TMLHE: variants seen among roughly 807,000 people sequenced by gnomAD.
The protein encoded by TMLHE is trimethyllysine hydroxylase, epsilon.
TMLHE carries 18 observed loss-of-function variants against 25.7 expected under a neutral mutation model. The ratio of observed to expected loss-of-function variants is 0.70; its 90% CI spans 0.48 to 1.04. The LOEUF (loss-of-function observed/expected upper bound fraction) is 1.04, where lower values mean the gene tolerates loss of function less well. TMLHE is among the 50% of genes least tolerant of loss of function. The pLI is 0.00. For synonymous variants in TMLHE, 105 were observed against 97.0 expected (o/e 1.08, Z -0.49); for missense variants, 236 against 259.0 (o/e 0.91, Z 0.61).
chrX:155,510,684 A>G (rs1396072453), intron 5 of TMLHE, among the ~76,000 whole-genome samples: 19 of 109,111 alleles, frequency 1.7e-4, no homozygotes, highest in African/African-American at 6.3e-4. Flanking sequence ...AGTCTTTGCT[A>G]TTGTGAATAG....
rs782266204 is a variant in TMLHE, at chrX:155,549,759, G to A, written c.-1-4482C>T. On this transcript the variant is annotated intron_variant, in intron 1 of 7. Transcript: ENST00000334398. ...TTTTAAAATTGTACTTTAAGTTCTGGGATACATGTGCAGAACGTGCAGGTT... is the reference window on the plus strand; with the variant it reads ...TTTTAAAATTGTACTTTAAGTTCTGAGATACATGTGCAGAACGTGCAGGTT... 1.0e-3 allele frequency among the ~76,000 whole-genome samples: 111 copies of A among 109,335 alleles called. 1 individual carries two copies. Among genetic ancestry groups the A allele is most frequent in the Non-Finnish European group, 9.5e-4 (50 of 52,681 alleles). 94.9% of individuals were successfully genotyped at this position (109,335 alleles called of 115,157 possible). A position where few individuals can be genotyped will look rare whatever the true frequency, so the allele number is the denominator to read the frequency against.
intron 5 of TMLHE, 77 bp downstream of exon 5, chrX:155,511,596 G>C: frequency 4.8e-6 from 5 of 1,035,871 alleles, no homozygotes; most frequent in Non-Finnish European, 3.9e-6. Flanking sequence ...GGTTCGAACA[G>C]AATGGAAAAT....
chrX:155,525,400 C>G (rs1342448396), intron 2 of TMLHE, among the ~76,000 whole-genome samples: 9 of 112,317 alleles, frequency 8.0e-5, no homozygotes, highest in Non-Finnish European at 1.5e-4. Context: ...GCTTACTGTA[C>G]AGCCTGCAGA....
chrX:155,567,400 T>C (rs2067514637), intron 1 of TMLHE, among the ~76,000 whole-genome samples: 1 of 61,827 alleles, frequency 1.6e-5, no homozygotes, highest in Admixed American at 1.9e-4. Flanking sequence ...ATCTAAGAAC[T>C]TGAAATCCCA....
chrX:155,507,011 T>C lies in TMLHE; in HGVS notation c.882A>G (p.Lys294=), dbSNP rs782279353. ...KAPEEFELLS[K]VPLKHEYIED... Reference sequence around the variant, plus strand: ...CAATATATTCATGCTTCAATGGCACTTTACTGAGGAGTTCAAATTCCTCAG... The same window carrying C: ...CAATATATTCATGCTTCAATGGCACCTTACTGAGGAGTTCAAATTCCTCAG... Residue 294 remains lysine, a synonymous_variant, in exon 6 of 8, where the codon AAA becomes AAG. Coordinates refer to ENST00000334398, the MANE Select transcript of TMLHE (RefSeq NM_018196.4). 2 of 1,207,781 alleles carry C rather than the reference T, an allele frequency of 1.7e-6. No homozygotes were observed. Among genetic ancestry groups the C allele is most frequent in the Non-Finnish European group, 2.2e-6 (2 of 893,810 alleles).
chrX:155,569,078 A>C (rs2067530149), intron 1 of TMLHE, among the ~76,000 whole-genome samples: 1 of 58,088 alleles, frequency 1.7e-5, no homozygotes, highest in Admixed American at 2.0e-4. Context: ...AAGAAGTTAA[A>C]AACTTTGAAA....
At chrX:155,512,777 G>T in intron 4 of TMLHE, among the ~76,000 whole-genome samples, 1 of 111,594 alleles carries the variant, frequency 9.0e-6, no homozygotes, top group Non-Finnish European at 1.9e-5. Flanking sequence ...GGACATGGAG[G>T]AATAAAGAAA....
intron 1 of TMLHE, among the ~76,000 whole-genome samples, chrX:155,605,530 T>A (rs1398434202): frequency 2.7e-5 from 3 of 111,933 alleles, no homozygotes; most frequent in African/African-American, 9.7e-5. Flanking sequence ...ATCTTTTTTT[T>A]AGACAAGCAA....
In TMLHE at chrX:155,610,751, T is replaced by G. The variant is rs143715776; in HGVS notation, c.-2+2041A>C. ...GGACAAAGAGAAGTGGATGGATTTT[T>G]TAAAATATTCAGGATGTAGAAGTGA... On this transcript the variant is annotated intron_variant, in intron 1 of 7. Coordinates refer to ENST00000334398, the MANE Select transcript of TMLHE (RefSeq NM_018196.4). Among the ~76,000 whole-genome samples, 764 of 111,544 alleles carry G rather than the reference T, an allele frequency of 6.8e-3. 6 individuals are homozygous for G. Among genetic ancestry groups the G allele is most frequent in the African/African-American group, 0.024 (726 of 30,637 alleles).
At chrX:155,506,483 G>A (rs1398920524) in intron 6 of TMLHE, among the ~76,000 whole-genome samples, 2 of 111,296 alleles carry the variant, frequency 1.8e-5, no homozygotes, top group African/African-American at 6.5e-5. Flanking sequence ...GTTTGAATAT[G>A]ATATGTTTTA....
At chrX:155,550,205 G>A (rs782760160) in intron 1 of TMLHE, among the ~76,000 whole-genome samples, 25 of 110,539 alleles carry the variant, frequency 2.3e-4, no homozygotes, top group Middle Eastern at 4.6e-3. Flanking sequence ...TGTCTTTATC[G>A]TAGAATGATT....
At chrX:155,539,510 G>A (rs1324737326) in intron 2 of TMLHE, among the ~76,000 whole-genome samples, 3 of 111,553 alleles carry the variant, frequency 2.7e-5, no homozygotes, top group African/African-American at 9.8e-5. Flanking sequence ...AGGATTAGGA[G>A]GTCTCTGGAT....
chrX:155,562,812 C>A (rs1422985370), intron 1 of TMLHE, among the ~76,000 whole-genome samples: 1 of 61,883 alleles, frequency 1.6e-5, no homozygotes, highest in South Asian at 9.5e-4. Context: ...CCCTCAAGTT[C>A]AAAGTTCCAC....
intron 2 of TMLHE, among the ~76,000 whole-genome samples, chrX:155,526,699 A>G (rs1398397742): frequency 1.9e-4 from 22 of 112,932 alleles, no homozygotes; most frequent in African/African-American, 6.8e-4. Flanking sequence ...CCAGGGCTGT[A>G]TCCTGCAAAG....
intron 6 of TMLHE, among the ~76,000 whole-genome samples, chrX:155,505,912 A>C (rs1438726549): frequency 9.0e-6 from 1 of 111,379 alleles, no homozygotes; most frequent in Non-Finnish European, 1.9e-5. Context: ...CAGAAGCAGG[A>C]GCGGTAATCC....
intron 2 of TMLHE, among the ~76,000 whole-genome samples, chrX:155,531,165 T>A (rs1202393313): frequency 3.6e-5 from 4 of 112,148 alleles, no homozygotes; most frequent in Non-Finnish European, 5.6e-5. Context: ...AATGAGGCTT[T>A]TTGTAGGAGA....
Position 155,593,807 on chromosome X carries a change from A to G in TMLHE, c.-2+18985T>C, listed in dbSNP as rs996972193. Among the ~76,000 whole-genome samples, 5 of 111,488 alleles carry G rather than the reference A, an allele frequency of 4.5e-5. No homozygotes were observed. The Admixed American group carries it at 4.8e-4, about 11-fold the overall frequency. On this transcript the variant is annotated intron_variant, in intron 1 of 7. Coordinates refer to ENST00000334398, the MANE Select transcript of TMLHE (RefSeq NM_018196.4). ...CAATGAATGAACTGAAAATTTCAAT[A>G]GAATATATCAGCAGCAGGCTCTATA...
At chrX:155,545,754 C>A (rs782620364) in intron 1 of TMLHE, among the ~76,000 whole-genome samples, 6 of 111,213 alleles carry the variant, frequency 5.4e-5, no homozygotes, top group Non-Finnish European at 9.4e-5. Context: ...CAATTGCCTA[C>A]AGTATTCAGT....
intron 1 of TMLHE, among the ~76,000 whole-genome samples, chrX:155,548,535 G>GTCACGAGTTCCAGA (rs1491301815): frequency 2.7e-5 from 3 of 109,143 alleles, no homozygotes; most frequent in Admixed American, 1.9e-4. Context: ...GCAGTATGAG[G>GTCACGAGTTCCAGA]CCAGCCTGAC....
Sources: allele counts gnomAD v4.1 joint callset (sites outside exome capture counted in the v4.1 genomes callset), GRCh38; gene constraint gnomAD v4.1.1; transcripts MANE v1.5; gene names NCBI Gene and HGNC (gene_info 2026-07-23, HGNC 2026-07-21).